Variants in CYS1 observed in about 807,000 individuals in gnomAD.
CYS1 encodes the protein cystin 1, also known as cystin-1.
A neutral mutation model predicts 9.6 loss-of-function variants in CYS1; 5 were observed. The observed-to-expected ratio is 0.52, with a 90% CI of 0.27 to 1.10. The LOEUF (loss-of-function observed/expected upper bound fraction) is 1.10. CYS1 is among the 50% of genes least tolerant of loss of function. CYS1 has a pLI of 0.11. For missense variants in CYS1, 221 were observed against 207.9 expected (o/e 1.06, Z -0.39); for synonymous variants, 88 against 95.7 (o/e 0.92, Z 0.47).
chr2:10,070,885 C>G (rs1661757975), intron 1 of CYS1, among the ~76,000 whole-genome samples: 1 of 152,120 alleles, frequency 6.6e-6, no homozygotes, highest in Non-Finnish European at 1.5e-5. Context: ...CTCAAGCGAT[C>G]CCCCCACCTC....
intron 1 of CYS1, among the ~76,000 whole-genome samples, chr2:10,074,954 A>G (rs1201161111): frequency 6.6e-6 from 1 of 152,208 alleles, no homozygotes; most frequent in Non-Finnish European, 1.5e-5. Context: ...TCTACTAAAA[A>G]TACAAAAATT....
chr2:10,067,533 G>A (rs552487464), intron 1 of CYS1, among the ~76,000 whole-genome samples: 11 of 149,738 alleles, frequency 7.3e-5, no homozygotes, highest in East Asian at 2.0e-4. Flanking sequence ...TCAGCCTCTC[G>A]TGTAGCTGGG....
intron 1 of CYS1, among the ~76,000 whole-genome samples, chr2:10,078,756 C>T (rs1661896382): frequency 6.6e-6 from 1 of 152,204 alleles, no homozygotes; most frequent in South Asian, 2.1e-4. Context: ...TGCTGTGTGG[C>T]CTCATCCCTA....
At chr2:10,060,876 C>G (rs753039893) in intron 2 of CYS1, among the ~76,000 whole-genome samples, 28 of 152,236 alleles carry the variant, frequency 1.8e-4, no homozygotes, top group Non-Finnish European at 3.5e-4. Context: ...GTGTCTACCA[C>G]AGAGCTGGGC....
chr2:10,059,151 C>G (rs1280036762), intron 2 of CYS1, among the ~76,000 whole-genome samples, 193 bp from the exon 3 acceptor site: 1 of 152,270 alleles, frequency 6.6e-6, no homozygotes, highest in Non-Finnish European at 1.5e-5. Flanking sequence ...CGCTTCATCT[C>G]CCACAACGCT....
chr2:10,062,411 T>G (rs1411338442), intron 2 of CYS1, among the ~76,000 whole-genome samples: 1 of 151,990 alleles, frequency 6.6e-6, no homozygotes, highest in Non-Finnish European at 1.5e-5. Flanking sequence ...CTTTTTTTTT[T>G]GAGATGGAGT....
chr2:10,065,546 G>A (rs1024148595), intron 2 of CYS1, among the ~76,000 whole-genome samples: 2 of 152,224 alleles, frequency 1.3e-5, no homozygotes, highest in African/African-American at 2.4e-5. Context: ...CCTGGGCTGC[G>A]AGTTCCTTAA....
At chr2:10,071,539 C>A (rs10803716) in intron 1 of CYS1, among the ~76,000 whole-genome samples, 1 of 151,694 alleles carries the variant, frequency 6.6e-6, no homozygotes, top group South Asian at 2.1e-4. Flanking sequence ...AATGGCTCAG[C>A]CTTGCTGTTT....
chr2:10,065,779 G>C (rs1266170863), intron 2 of CYS1, 125 bp downstream of exon 2: 4 of 883,082 alleles, frequency 4.5e-6, no homozygotes, highest in Non-Finnish European at 7.5e-6. Flanking sequence ...CATTTAGAGG[G>C]AGCTGCCTCT....
rs939021187 is a variant in CYS1 at position 10,080,263 on chromosome 2, A to G, written c.-40T>C. ...CTCCCGGACCGCCGAGGGGGCCCCC[A>G]TGAGGGGGCGCGGCCGGGGGCGGGG... On this transcript the variant is annotated 5_prime_UTR_variant, in exon 1 of 3. The change abolishes an upstream ATG in the 5' untranslated region. Coordinates refer to ENST00000381813, the MANE Select transcript of CYS1 (RefSeq NM_001037160.3). This position sits in a 1 kb window ranked among gnomAD's most constrained non-coding sequence, Gnocchi z 6.4. The G allele has an allele frequency of 3.0e-5, 29 of 981,488 alleles. No individual in the cohort carries two copies. The Admixed American group carries it at 4.9e-4, about 17-fold the overall frequency. The allele number at this position is 981,488 out of a possible 1,614,324, so 60.8% of individuals were successfully genotyped here.
At chr2:10,065,819 G>C (rs750142139) in intron 2 of CYS1, 85 bp downstream of exon 2, 1 of 1,347,426 alleles carries the variant, frequency 7.4e-7, no homozygotes, top group Non-Finnish European at 1.1e-6. Flanking sequence ...GGAGGAAAGT[G>C]GGGGACAGGA....
intron 1 of CYS1, 137 bp from the exon 2 acceptor site, chr2:10,066,093 G>T (rs557354010): frequency 1.1e-6 from 1 of 942,580 alleles, no homozygotes; most frequent in African/African-American, 1.6e-5. Flanking sequence ...AAAGGCTCTC[G>T]AGCTGTCAAG....
intron 1 of CYS1, among the ~76,000 whole-genome samples, chr2:10,071,814 G>T (rs80077786): frequency 1.3e-5 from 2 of 152,302 alleles, no homozygotes; most frequent in African/African-American, 4.8e-5. Context: ...ACACCTGGAC[G>T]GACGTGGGGA....
chr2:10,068,977 G>A (rs1370250653), intron 1 of CYS1, among the ~76,000 whole-genome samples: 2 of 152,026 alleles, frequency 1.3e-5, no homozygotes, highest in Non-Finnish European at 2.9e-5. Flanking sequence ...CAGGAGAATT[G>A]CTTGAACCCA....
chr2:10,080,080 TG>T lies in CYS1; in HGVS notation c.143del (p.Ala48GlufsTer101). ...VPVAAAEVPG[A>X]AAEEAPGRDP... ...CGCGGCCGGGCGCCTCCTCCGCGGC[TG>T]CCCCCGGGACCTCGGCCGCCGCCAC... On this transcript the variant is annotated frameshift_variant, in exon 1 of 3. Transcript: ENST00000381813. LOFTEE classifies it high-confidence loss of function. This position sits in a 1 kb window ranked among gnomAD's most constrained non-coding sequence, Gnocchi z 6.4. 1 of 1,028,228 alleles carries T rather than the reference TG, an allele frequency of 9.7e-7. No individual in the cohort carries two copies. The highest frequency in any genetic ancestry group is 1.2e-6 in the Non-Finnish European group (1 of 860,788). 63.7% of individuals were successfully genotyped at this position (1,028,228 alleles called of 1,614,324 possible).
chr2:10,059,494 C>T (rs1462663971), intron 2 of CYS1, among the ~76,000 whole-genome samples: 3 of 152,138 alleles, frequency 2.0e-5, no homozygotes, highest in Non-Finnish European at 2.9e-5. Context: ...GTCAGGAATT[C>T]GAGACCAGCC....
At chr2:10,066,301 C>T (rs1032651851) in intron 1 of CYS1, among the ~76,000 whole-genome samples, 1 of 152,176 alleles carries the variant, frequency 6.6e-6, no homozygotes, top group Non-Finnish European at 1.5e-5. Context: ...CCGTGTGTCA[C>T]CTCCAGGGAT....
Position 10,080,190 on chromosome 2 carries a change from G to T in CYS1, c.34C>A (p.Leu12Met). The change falls in exon 1 of 3, where the codon CTG (leucine) becomes ATG (methionine). Residue 12 changes from leucine to methionine, a missense_variant. Leu to Met is a conservative substitution (Grantham distance 15, BLOSUM62 2). Transcript: ENST00000381813. The surrounding 1 kb of genome is among the most constrained non-coding windows in gnomAD (Gnocchi z 6.4). ...GSGSSRSSRT[L>M]RRRRSPESLP... is the part of the protein sequence containing the mutation. ...CTCTCGGGGCTGCGCCGCCGCCTCA[G>T]AGTCCGGCTGCTCCGGCTGCTGCCG... 1 of 1,069,304 alleles carries T rather than the reference G, an allele frequency of 9.4e-7. No individual in the cohort carries two copies. The highest frequency in any genetic ancestry group is 3.7e-5 in the South Asian group (1 of 27,170). The allele number at this position is 1,069,304 out of a possible 1,614,324, so 66.2% of individuals were successfully genotyped here. A position where few individuals can be genotyped will look rare whatever the true frequency, so the allele number is the denominator to read the frequency against.
intron 2 of CYS1, among the ~76,000 whole-genome samples, chr2:10,062,562 G>A (rs1210378843): frequency 3.3e-5 from 5 of 152,058 alleles, no homozygotes; most frequent in African/African-American, 9.7e-5. Context: ...CACCACTCCC[G>A]ACTAATTTTT....
Sources: gnomAD v4.1 joint callset for allele counts (sites outside exome capture counted in the v4.1 genomes callset) on GRCh38, gnomAD v4.1.1 for gene constraint, Gnocchi (gnomAD v3.1) non-coding constraint, MANE v1.5 for transcripts, NCBI Gene and HGNC (gene_info 2026-07-23, HGNC 2026-07-21) for gene names.